Variants in RASEF observed in about 807,000 individuals in gnomAD.
RASEF encodes the protein RAS and EF-hand domain containing, also known as ras and EF-hand domain-containing protein.
In RASEF, 68 loss-of-function variants were observed where a neutral mutation model predicts 90.1. The ratio of observed to expected loss-of-function variants is 0.75; its 90% CI spans 0.62 to 0.92. The LOEUF is 0.92. RASEF is among the 40% of genes least tolerant of loss of function. The probability of loss-of-function intolerance (pLI) is 0.00; values close to 1 mark genes in which losing one functional copy is unlikely to be tolerated. For synonymous variants in RASEF, 331 were observed against 345.2 expected (o/e 0.96, Z 0.46); for missense variants, 949 against 937.2 (o/e 1.01, Z -0.16).
chr9:83,175,049 C>A, the RASEF span, among the ~76,000 whole-genome samples: 1 of 152,048 alleles, frequency 6.6e-6, no homozygotes, highest in Admixed American at 6.5e-5. Context: ...ACCAAAAAAA[C>A]AGAGCATGTG....
At chr9:83,174,014 T>C in the RASEF span, among the ~76,000 whole-genome samples, 1 of 151,812 alleles carries the variant, frequency 6.6e-6, no homozygotes, top group African/African-American at 2.4e-5. Flanking sequence ...CATCTTGAAA[T>C]TATTAAGTGG....
chr9:83,070,617 T>G, the RASEF span, among the ~76,000 whole-genome samples: 1 of 152,176 alleles, frequency 6.6e-6, no homozygotes, highest in Non-Finnish European at 1.5e-5. Flanking sequence ...ATATTCCTGG[T>G]CCTAGGTATT....
At chr9:83,128,025 CTT>C in the RASEF span, among the ~76,000 whole-genome samples, 13 of 134,686 alleles carry the variant, frequency 9.7e-5, no homozygotes, top group Admixed American at 2.3e-4. Context: ...TTTTTCTTTT[CTT>C]TTTTTTTTTT....
chr9:83,119,172 ATTTTT>A, the RASEF span, among the ~76,000 whole-genome samples: 2 of 119,402 alleles, frequency 1.7e-5, no homozygotes, highest in African/African-American at 3.2e-5. Flanking sequence ...CATGCGGGCT[ATTTTT>A]TTTTTTTTTT....
chr9:83,152,562 A>T, the RASEF span, among the ~76,000 whole-genome samples: 1 of 152,206 alleles, frequency 6.6e-6, no homozygotes, highest in Non-Finnish European at 1.5e-5. Context: ...GCCTTTCTTC[A>T]TGCATGGAAC....
the RASEF span, among the ~76,000 whole-genome samples, chr9:83,099,548 T>C: frequency 6.6e-6 from 1 of 152,252 alleles, no homozygotes; most frequent in African/African-American, 2.4e-5. Flanking sequence ...ATTTTACAAA[T>C]AATTTGAGGC....
chr9:83,034,899 A>G (rs1167627109), intron 1 of RASEF, among the ~76,000 whole-genome samples: 4 of 152,210 alleles, frequency 2.6e-5, no homozygotes, highest in African/African-American at 9.7e-5. Flanking sequence ...AGTGCATGGT[A>G]CAATGTTGGT....
At chr9:83,194,331 T>C in the RASEF span, among the ~76,000 whole-genome samples, 1 of 152,206 alleles carries the variant, frequency 6.6e-6, no homozygotes, top group Non-Finnish European at 1.5e-5. Flanking sequence ...AATCAGGTAT[T>C]CTGTAGACTG....
At chr9:83,145,636 C>T in the RASEF span, among the ~76,000 whole-genome samples, 1 of 151,414 alleles carries the variant, frequency 6.6e-6, no homozygotes, top group South Asian at 2.1e-4. Context: ...GATTGTTAAG[C>T]TTAATATTAA....
the RASEF span, among the ~76,000 whole-genome samples, chr9:83,179,050 C>T: frequency 6.6e-6 from 1 of 152,158 alleles, no homozygotes; most frequent in Admixed American, 6.6e-5. Flanking sequence ...GATTACTACC[C>T]TCATGACTTT....
chr9:83,072,688 G>T, the RASEF span, among the ~76,000 whole-genome samples: 2 of 152,170 alleles, frequency 1.3e-5, no homozygotes, highest in Non-Finnish European at 2.9e-5. Flanking sequence ...TCTAGCTTGG[G>T]AAATAGATGA....
chr9:83,093,712 G>A, the RASEF span, among the ~76,000 whole-genome samples: 1 of 152,194 alleles, frequency 6.6e-6, no homozygotes, highest in African/African-American at 2.4e-5. Context: ...TGCAAGCTGA[G>A]GGATCTGGCT....
the RASEF span, among the ~76,000 whole-genome samples, chr9:83,083,087 T>C: frequency 6.6e-6 from 1 of 152,186 alleles, no homozygotes; most frequent in African/African-American, 2.4e-5. Context: ...CTCTATCTAA[T>C]ATATATGTAG....
chr9:83,026,564 G>A (rs919062180), intron 1 of RASEF, among the ~76,000 whole-genome samples: 3 of 152,066 alleles, frequency 2.0e-5, no homozygotes, highest in African/African-American at 7.2e-5. Context: ...CACGAGAACA[G>A]TACGGGGGAA....
At chr9:83,077,827 G>C in the RASEF span, among the ~76,000 whole-genome samples, 1 of 152,180 alleles carries the variant, frequency 6.6e-6, no homozygotes, top group Non-Finnish European at 1.5e-5. Flanking sequence ...AGAAGAGCCT[G>C]AATTAACATT....
chr9:83,012,284 T>C (rs914160932), intron 5 of RASEF, 150 bp downstream of exon 5: 11 of 493,528 alleles, frequency 2.2e-5, no homozygotes, highest in Non-Finnish European at 3.9e-5. Flanking sequence ...CCTGCATAAA[T>C]AGTATCTTTG....
At chr9:83,055,445 C>T (rs1032042338) in intron 1 of RASEF, 16 of 634,252 alleles carry the variant, frequency 2.5e-5, no homozygotes, top group Non-Finnish European at 3.7e-5. Context: ...CCCACTGTCT[C>T]GCACTCCGTA....
chr9:83,083,804 C>T, the RASEF span, among the ~76,000 whole-genome samples: 68 of 152,150 alleles, frequency 4.5e-4, no homozygotes, highest in African/African-American at 1.3e-3. Flanking sequence ...TACAGCCTTT[C>T]TTAAAAAAGC....
the RASEF span, among the ~76,000 whole-genome samples, chr9:83,215,339 G>A: frequency 6.6e-6 from 1 of 152,150 alleles, no homozygotes; most frequent in African/African-American, 2.4e-5. Context: ...CTTGCAAAAA[G>A]GCAGAGGGTC....
Sources: allele counts gnomAD v4.1 joint callset (sites outside exome capture counted in the v4.1 genomes callset), GRCh38; gene constraint gnomAD v4.1.1; transcripts MANE v1.5; gene names NCBI Gene and HGNC (gene_info 2026-07-23, HGNC 2026-07-21).